The following SLC4A2 variants were observed in gnomAD, a reference collection of about 807,000 sequenced individuals.
SLC4A2 encodes solute carrier family 4 member 2.
In SLC4A2, 36 loss-of-function variants were observed where a neutral mutation model predicts 115.0. That is an observed-to-expected ratio of 0.31 (90% CI 0.24 to 0.41). SLC4A2 has a LOEUF of 0.41. Among genes scored for constraint, SLC4A2 ranks in the 10% least tolerant of loss-of-function variants. The probability of loss-of-function intolerance (pLI) is 1.00; values close to 1 mark genes in which losing one functional copy is unlikely to be tolerated. For missense variants in SLC4A2, 1,252 were observed against 1,705.6 expected (o/e 0.73, Z 4.68); for synonymous variants, 708 against 708.3 (o/e 1.00, Z 0.01).
rs776299435 is a variant in SLC4A2, at chr7:151,070,437, G to A, written c.1450-20G>A. ...AGTGGGAGGGGCCTGGCTGGGCTGA[G>A]CCCTGTCTGTGTCCCCCAGCGTGAG... On this transcript the variant is annotated intron_variant, in intron 10 of 22. Coordinates refer to ENST00000413384, the MANE Select transcript of SLC4A2 (RefSeq NM_003040.4). The A allele has an allele frequency of 5.4e-5, 87 of 1,611,234 alleles. No homozygotes were observed. Among genetic ancestry groups the A allele is most frequent in the Non-Finnish European group, 7.1e-5 (84 of 1,178,924 alleles).
At position 151,074,355 on chromosome 7, in the gene SLC4A2, C is replaced by T. The variant is rs755439509; in HGVS notation, c.2791-44C>T. ...AGGAAGGGGGGTGGCAGGAAGTCAG[C>T]GGCTGTGGTGGCAGGACTCTGAGCG... On this transcript the variant is annotated intron_variant, in intron 17 of 22. Transcript: ENST00000413384. 1.4e-5 allele frequency: 23 copies of T among 1,611,248 alleles called. No individual in the cohort carries two copies. In the East Asian group the frequency reaches 3.3e-4, roughly 23 times the overall value.
chr7:151,076,198 C>CGTCT lies in SLC4A2; in HGVS notation c.3645+14_3645+17dup, dbSNP rs1563368759. 1 of 1,612,114 alleles carries CGTCT rather than the reference C, an allele frequency of 6.2e-7. No individual in the cohort carries two copies. Among genetic ancestry groups the CGTCT allele is most frequent in the Non-Finnish European group, 8.5e-7 (1 of 1,179,430 alleles). ...GAGAGATGAAATGTGTAAGCCCTCC[C>CGTCT]GTCTGCCTCCCCCGGTTCCTCTTGC... On this transcript the variant is annotated intron_variant, in intron 22 of 22. Coordinates refer to ENST00000413384, the MANE Select transcript of SLC4A2 (RefSeq NM_003040.4).
chr7:151,071,568 C>T lies in SLC4A2; in HGVS notation c.2154C>T (p.Ala718=), dbSNP rs766767082. 3.5e-5 allele frequency: 57 copies of T among 1,613,918 alleles called. No homozygotes were observed. Among genetic ancestry groups the T allele is most frequent in the East Asian group, 4.5e-5 (2 of 44,890 alleles). Residue 718 remains alanine (A), a synonymous_variant, in exon 14 of 23, where the codon GCC becomes GCT. Transcript: ENST00000413384. The surrounding 1 kb of genome is among the most constrained non-coding windows in gnomAD (Gnocchi z 5.5). ...CCGCAGTCATCTTCATCTACTTTGC[C>T]GCCCTGTCTCCTGCCATCACCTTTG... The part of the protein sequence containing the change: ...CLAAVIFIYF[A]ALSPAITFGG...
At chr7:151,073,879 C>T in intron 16 of SLC4A2, 160 bp from the exon 17 acceptor site, 4 of 768,564 alleles carry the variant, frequency 5.2e-6, no homozygotes, top group Non-Finnish European at 8.3e-6. Flanking sequence ...CCTGTGCTCA[C>T]AGCTGGTTCT....
chr7:151,063,360 C>T (rs899892411), intron 2 of SLC4A2, among the ~76,000 whole-genome samples: 3 of 152,126 alleles, frequency 2.0e-5, no homozygotes, highest in Non-Finnish European at 2.9e-5. Context: ...TTAGCTTGGG[C>T]GCCGCCAGAA....
intron 9 of SLC4A2, 48 bp from the exon 10 acceptor site, chr7:151,070,133 G>GC (rs1797380851): frequency 6.2e-7 from 1 of 1,613,890 alleles, no homozygotes. Flanking sequence ...ACCTGCCCTG[G>GC]CCCTTGTCAT....
At chr7:151,069,810 C>A in intron 8 of SLC4A2, 137 bp from the exon 9 acceptor site, 1 of 974,890 alleles carries the variant, frequency 1.0e-6, no homozygotes, top group South Asian at 1.4e-5. Context: ...AGAACTCGAG[C>A]CCGCGTCCTT....
At position 151,069,982 on chromosome 7, in the gene SLC4A2, C is replaced by T; in HGVS notation, c.1183C>T (p.Pro395Ser). 1 of 1,614,020 alleles carries T rather than the reference C, an allele frequency of 6.2e-7. No homozygotes were observed. The highest frequency in any genetic ancestry group is 8.5e-7 in the Non-Finnish European group (1 of 1,180,022). ...VLLDLDQQTL[P>S]GVAHQVVEQM... ...CTTGGATCTGGACCAGCAGACCCTG[C>T]CCGGAGTGGCCCACCAGGTGGTGGA... Residue 395 changes from proline to serine, a missense_variant, in exon 9 of 23, where the codon CCC becomes TCC. By Grantham distance (74) the Pro-to-Ser change is moderately conservative. Coordinates refer to ENST00000413384, the MANE Select transcript of SLC4A2 (RefSeq NM_003040.4).
At chr7:151,068,671 T>C (rs1486821674) in intron 8 of SLC4A2, among the ~76,000 whole-genome samples, 1 of 151,936 alleles carries the variant, frequency 6.6e-6, no homozygotes, top group Admixed American at 6.6e-5. Flanking sequence ...AGGCGCGTGC[T>C]ACCATGCCTG....
chr7:151,067,755 C>T (rs1797284012), intron 7 of SLC4A2, 119 bp from the exon 8 acceptor site: 1 of 760,750 alleles, frequency 1.3e-6, no homozygotes, highest in Admixed American at 2.9e-5. Flanking sequence ...TGTGCACCAC[C>T]CACTGTGCTC....
Position 151,068,109 on chromosome 7 carries a change from C to T in SLC4A2, c.1147+55C>T, listed in dbSNP as rs145272948. On this transcript the variant is annotated intron_variant, in intron 8 of 22. Coordinates refer to ENST00000413384, the MANE Select transcript of SLC4A2 (RefSeq NM_003040.4). ...GGCCAGTCCCCAGGAAATTCTCCCA[C>T]ATGGCCCCAAATCTGTCTTGAGCCC... The T allele has an allele frequency of 4.0e-5, 53 of 1,325,192 alleles. 4 individuals are homozygous for T. The Middle Eastern group carries it at 3.0e-3, about 76-fold the overall frequency. 82.1% of individuals were successfully genotyped at this position (1,325,192 alleles called of 1,614,324 possible).
intron 5 of SLC4A2, 27 bp from the exon 6 acceptor site, chr7:151,066,490 G>A (rs1797236794): frequency 5.4e-6 from 8 of 1,468,488 alleles, no homozygotes; most frequent in East Asian, 5.0e-5. Context: ...CAGGTTTCTC[G>A]GGCTCACGGC....
intron 10 of SLC4A2, 37 bp from the exon 11 acceptor site, chr7:151,070,420 G>A: frequency 6.2e-7 from 1 of 1,611,158 alleles, no homozygotes; most frequent in Non-Finnish European, 8.5e-7. Context: ...AGAGTGGGAG[G>A]GGCCTGGCTG....
chr7:151,074,593 T>C (rs1797552650), intron 18 of SLC4A2, 82 bp from the exon 19 acceptor site: 1 of 1,571,546 alleles, frequency 6.4e-7, no homozygotes, highest in Non-Finnish European at 8.7e-7. Flanking sequence ...CTTAAGCCTG[T>C]CCTTAAGATG....
chr7:151,066,750 A>T lies in SLC4A2; in HGVS notation c.812A>T (p.Asp271Val). ...CAGACGCTGGCCACGGCCGACCTAG[A>T]CCTCATGAAGAGTAAGTGCTGGGCC... Reference protein sequence around the residue: ...EAQTLATADLDLMKSHRFEDV... With the variant: ...EAQTLATADLVLMKSHRFEDV... Residue 271 changes from aspartate (D) to valine (V), a missense_variant, in exon 6 of 23, where the codon GAC (aspartate) becomes GTC (valine). Physicochemically the swap from Asp to Val is radical, Grantham distance 152. This residue lies in a region of SLC4A2 where 42 missense variants were observed against 93.1 expected (regional missense o/e 0.45). Transcript: ENST00000413384. 6.4e-7 allele frequency: 1 copy of T among 1,567,972 alleles called. No individual in the cohort carries two copies.
chr7:151,065,485 C>T (rs779297936), intron 5 of SLC4A2, among the ~76,000 whole-genome samples: 8 of 152,176 alleles, frequency 5.3e-5, no homozygotes, highest in Non-Finnish European at 8.8e-5. Context: ...CACCCAGTGG[C>T]TGGTTCAGGC....
At chr7:151,064,134 A>AGG in intron 2 of SLC4A2, 68 bp from the exon 3 acceptor site, 1 of 1,530,630 alleles carries the variant, frequency 6.5e-7, no homozygotes, top group Non-Finnish European at 9.0e-7. Flanking sequence ...GGCACTGGGA[A>AGG]GGGTGAGGTT....
Position 151,070,609 on chromosome 7 carries a change from C to T in SLC4A2, c.1564+38C>T, listed in dbSNP as rs375426302. 1.5e-4 allele frequency: 238 copies of T among 1,604,092 alleles called. 1 individual carries two copies. Among genetic ancestry groups the T allele is most frequent in the Non-Finnish European group, 1.8e-4 (212 of 1,173,048 alleles). On this transcript the variant is annotated intron_variant, in intron 11 of 22. Coordinates refer to ENST00000413384, the MANE Select transcript of SLC4A2 (RefSeq NM_003040.4). ...GGTCACATGTAGGGGGCTTGGTGGCCAGGCCTTGAGGCAGAGTCCTGTAGT... is the reference window on the plus strand; with the variant it reads ...GGTCACATGTAGGGGGCTTGGTGGCTAGGCCTTGAGGCAGAGTCCTGTAGT...
At chr7:151,076,251 C>G (rs368963319) in intron 22 of SLC4A2, 36 bp from the exon 23 acceptor site, 21 of 1,589,624 alleles carry the variant, frequency 1.3e-5, no homozygotes, top group Middle Eastern at 1.7e-4. Context: ...AAGGCCCCCC[C>G]ACTTCCCTTC....
Sources: gnomAD v4.1 joint callset for allele counts (sites outside exome capture counted in the v4.1 genomes callset) on GRCh38, gnomAD v4.1.1 for gene constraint, gnomAD v4.1.1 regional missense constraint, Gnocchi (gnomAD v3.1) non-coding constraint, MANE v1.5 for transcripts, NCBI Gene and HGNC (gene_info 2026-07-23, HGNC 2026-07-21) for gene names.